The following PRUNE2 variants were observed in gnomAD, a reference collection of about 807,000 sequenced individuals.
The protein encoded by PRUNE2 is protein prune homolog 2.
Under a neutral mutation model 252.0 loss-of-function variants are expected in PRUNE2, and 164 were observed. That is an observed-to-expected ratio of 0.65 (90% CI 0.57 to 0.74). The LOEUF (loss-of-function observed/expected upper bound fraction) is 0.74, where lower values mean the gene tolerates loss of function less well. Among genes scored for constraint, PRUNE2 ranks in the 30% least tolerant of loss-of-function variants. The pLI, the probability that PRUNE2 is intolerant of heterozygous loss-of-function variation, is 0.00. For synonymous variants in PRUNE2, 1,292 were observed against 1,350.2 expected (o/e 0.96, Z 0.94); for missense variants, 3,495 against 3,711.0 (o/e 0.94, Z 1.51).
rs1162175337 is a variant in PRUNE2, at chr9:76,879,877, T to C, written c.37-25669A>G. Among the ~76,000 whole-genome samples the C allele has an allele frequency of 9.7e-5, 12 of 123,384 alleles. No individual in the cohort carries two copies. In the East Asian group the frequency reaches 2.2e-3, roughly 23 times the overall value. 80.9% of individuals were successfully genotyped at this position (123,384 alleles called of 152,430 possible). A position where few individuals can be genotyped will look rare whatever the true frequency, so the allele number is the denominator to read the frequency against. ...CTCAGTTCTGTAAGAAAGAGGCCTG[T>C]CATATATATATATATATATATATAT... On this transcript the variant is annotated intron_variant, in intron 1 of 18. Transcript: ENST00000376718.
intron 6 of PRUNE2, among the ~76,000 whole-genome samples, chr9:76,773,225 G>A (rs2053308503): frequency 6.6e-6 from 1 of 152,136 alleles, no homozygotes; most frequent in Non-Finnish European, 1.5e-5. Context: ...ATTACTGTGT[G>A]CACTGACTGA....
At chr9:76,663,440 A>T (rs1331267999) in intron 9 of PRUNE2, among the ~76,000 whole-genome samples, 1 of 152,138 alleles carries the variant, frequency 6.6e-6, no homozygotes, top group Non-Finnish European at 1.5e-5. Flanking sequence ...AAAACTGCAG[A>T]AACCACAGCT....
chr9:76,809,782 C>A (rs531171848), intron 6 of PRUNE2, among the ~76,000 whole-genome samples: 29 of 152,238 alleles, frequency 1.9e-4, no homozygotes, highest in Non-Finnish European at 3.4e-4. Context: ...TAAATTCATA[C>A]ATATAAAAAA....
At chr9:76,778,236 G>A (rs760541775) in intron 6 of PRUNE2, among the ~76,000 whole-genome samples, 1 of 152,180 alleles carries the variant, frequency 6.6e-6, no homozygotes, top group Non-Finnish European at 1.5e-5. Flanking sequence ...AGAGCCAGGC[G>A]TTGATCTCAT....
At chr9:76,734,818 T>A (rs767887315) in intron 6 of PRUNE2, among the ~76,000 whole-genome samples, 1 of 152,184 alleles carries the variant, frequency 6.6e-6, no homozygotes, top group Non-Finnish European at 1.5e-5. Flanking sequence ...GAATAACATG[T>A]GACCTGAGCG....
intron 9 of PRUNE2, among the ~76,000 whole-genome samples, chr9:76,664,822 T>C (rs951721599): frequency 6.6e-6 from 1 of 152,226 alleles, no homozygotes; most frequent in South Asian, 2.1e-4. Flanking sequence ...CGAGATTATT[T>C]ATTATACAGC....
chr9:76,711,315 A>C lies in PRUNE2; in HGVS notation c.959T>G (p.Leu320Arg), dbSNP rs755847616. 3.7e-6 allele frequency: 6 copies of C among 1,613,636 alleles called. No homozygotes were observed. The Admixed American group carries it at 1.0e-4, about 27-fold the overall frequency. Reference sequence around the variant, plus strand: ...ATCACAGCCACAGTCAAAGGGCTCCAGTTCTAGGCAAGGGTTCTGACACTC... The same window carrying C: ...ATCACAGCCACAGTCAAAGGGCTCCCGTTCTAGGCAAGGGTTCTGACACTC... ...LEECQNPCLE[L>R]EPFDCGCDEI... The change falls in exon 8 of 19, where the codon CTG becomes CGG. Residue 320 changes from leucine (L) to arginine (R), a missense_variant. Leu to Arg is a moderately radical substitution (Grantham distance 102). Coordinates refer to ENST00000376718, the MANE Select transcript of PRUNE2 (RefSeq NM_015225.3).
At chr9:76,849,722 A>G (rs1347698382) in intron 3 of PRUNE2, among the ~76,000 whole-genome samples, 1 of 152,076 alleles carries the variant, frequency 6.6e-6, no homozygotes, top group Non-Finnish European at 1.5e-5. Context: ...GCTACTCAGG[A>G]GGCTGAGGCA....
intron 4 of PRUNE2, among the ~76,000 whole-genome samples, chr9:76,829,333 A>G (rs981419505): frequency 6.6e-6 from 1 of 152,186 alleles, no homozygotes. Flanking sequence ...CAAATCTAAC[A>G]GAAGTTTAAC....
intron 9 of PRUNE2, among the ~76,000 whole-genome samples, chr9:76,664,665 C>T (rs542795561): frequency 7.9e-5 from 12 of 152,106 alleles, no homozygotes; most frequent in Non-Finnish European, 1.3e-4. Context: ...GGATTACAGA[C>T]GTGCACCACC....
At chr9:76,787,759 C>G (rs139343850) in intron 6 of PRUNE2, among the ~76,000 whole-genome samples, 4 of 152,184 alleles carry the variant, frequency 2.6e-5, no homozygotes, top group African/African-American at 9.7e-5. Flanking sequence ...ATGGCCTCCA[C>G]GATGCTTTCA....
intron 12 of PRUNE2, among the ~76,000 whole-genome samples, chr9:76,642,919 G>A (rs972906974): frequency 5.9e-5 from 9 of 152,226 alleles, no homozygotes; most frequent in African/African-American, 1.9e-4. Context: ...GGGGAGAGGG[G>A]AGGTGGCCTT....
At chr9:76,802,916 C>T (rs981063709) in intron 6 of PRUNE2, among the ~76,000 whole-genome samples, 1 of 152,132 alleles carries the variant, frequency 6.6e-6, no homozygotes, top group Non-Finnish European at 1.5e-5. Flanking sequence ...GACATCGACA[C>T]ACTTTGTTGT....
chr9:76,848,250 C>A (rs2059774218), intron 3 of PRUNE2, among the ~76,000 whole-genome samples: 1 of 152,006 alleles, frequency 6.6e-6, no homozygotes, highest in African/African-American at 2.4e-5. Context: ...GGTGACAGAG[C>A]AAGAATCCAT....
chr9:76,696,935 T>C (rs572737), intron 9 of PRUNE2, among the ~76,000 whole-genome samples: 114,014 of 152,232 alleles, frequency 0.75, 42,979 homozygotes, highest in East Asian at 0.94. Flanking sequence ...GCTCCTGTTC[T>C]TGGGCTACGC....
Position 76,707,923 on chromosome 9 carries a change from T to G in PRUNE2, c.4351A>C (p.Asn1451His). The G allele has an allele frequency of 6.2e-7, 1 of 1,613,916 alleles. No individual in the cohort carries two copies. Residue 1451 changes from asparagine (N) to histidine (H), a missense_variant, in exon 8 of 19, where the codon AAT (asparagine) becomes CAT (histidine). Coordinates refer to ENST00000376718, the MANE Select transcript of PRUNE2 (RefSeq NM_015225.3). ...GETTETSDGM[N>H]FTKYVSVPEK... ...GGTACAGATACATATTTTGTGAAAT[T>G]CATCCCATCTGAAGTCTCAGTAGTT...
chr9:76,788,744 G>C lies in PRUNE2; in HGVS notation c.756+34888C>G, dbSNP rs376856414. Among the ~76,000 whole-genome samples the C allele has an allele frequency of 1.8e-4, 27 of 152,310 alleles. No individual in the cohort carries two copies. In the Middle Eastern group the frequency reaches 0.017, roughly 96 times the overall value. On this transcript the variant is annotated intron_variant, in intron 6 of 18. Transcript: ENST00000376718. Reference sequence around the variant, plus strand: ...AGATCACAAATCTTATAAGAAGAGAGAGAGACTCATATTTGCAAGTAGAGA... The same window carrying C: ...AGATCACAAATCTTATAAGAAGAGACAGAGACTCATATTTGCAAGTAGAGA...
At chr9:76,782,630 C>T (rs974782625) in intron 6 of PRUNE2, 3 of 152,154 alleles carry the variant, frequency 2.0e-5, no homozygotes, top group Non-Finnish European at 4.4e-5. Context: ...GAGTTATAAG[C>T]GCAGAGTTTC....
At chr9:76,669,696 G>T (rs756498173) in intron 9 of PRUNE2, among the ~76,000 whole-genome samples, 1 of 152,200 alleles carries the variant, frequency 6.6e-6, no homozygotes, top group South Asian at 2.1e-4. Context: ...CCAACTGGGC[G>T]TGAGATGCCA....
Sources: allele counts gnomAD v4.1 joint callset (sites outside exome capture counted in the v4.1 genomes callset), GRCh38; gene constraint gnomAD v4.1.1; transcripts MANE v1.5; gene names NCBI Gene and HGNC (gene_info 2026-07-23, HGNC 2026-07-21).